ACP2: variants seen among roughly 807,000 people sequenced by gnomAD.
ACP2 encodes the protein acid phosphatase 2, lysosomal.
Under a neutral mutation model 54.7 loss-of-function variants are expected in ACP2, and 35 were observed. That is an observed-to-expected ratio of 0.64 (90% confidence interval 0.49 to 0.85). The LOEUF (loss-of-function observed/expected upper bound fraction) is 0.85, where lower values mean the gene tolerates loss of function less well. Among genes scored for constraint, ACP2 ranks in the 40% least tolerant of loss-of-function variants. The pLI, the probability that ACP2 is intolerant of heterozygous loss-of-function variation, is 0.00. For synonymous variants in ACP2, 210 were observed against 224.4 expected (o/e 0.94, Z 0.57); for missense variants, 492 against 565.0 (o/e 0.87, Z 1.31).
rs763351467 is a variant in ACP2 at position 47,245,666 on chromosome 11, G to A, written c.450+16C>T. ...CTGTCCCCTCACCACCCCAGGGAAGGGCTGGCCACTCTTACCCTGTCCTCA... is the reference window on the plus strand; with the variant it reads ...CTGTCCCCTCACCACCCCAGGGAAGAGCTGGCCACTCTTACCCTGTCCTCA... On this transcript the variant is annotated intron_variant, in intron 4 of 10. Coordinates refer to ENST00000672073, the MANE Select transcript of ACP2 (RefSeq NM_001610.4). 2.5e-6 allele frequency: 4 copies of A among 1,613,310 alleles called. No individual in the cohort carries two copies. The highest frequency in any genetic ancestry group is 3.4e-6 in the Non-Finnish European group (4 of 1,179,338).
intron 5 of ACP2, 39 bp downstream of exon 5, chr11:47,245,435 A>G: frequency 6.2e-7 from 1 of 1,614,214 alleles, no homozygotes; most frequent in Middle Eastern, 1.6e-4. Context: ...GCTCTGGGGA[A>G]AAGACAGCGT....
At position 47,243,029 on chromosome 11, in the gene ACP2, C is replaced by T. The variant is rs1360430277; in HGVS notation, c.951G>A (p.Gln317=). The change falls in exon 9 of 11, where the codon CAG becomes CAA. Residue 317 remains glutamine, a synonymous_variant. Coordinates refer to ENST00000672073, the MANE Select transcript of ACP2 (RefSeq NM_001610.4). ...YASCHIFELY[Q]EDSGNFSVEM... ...CTAGCTCCACTCACCCAGAATCTTC[C>T]TGGTACAGTTCAAATATGTGGCAGG... The T allele has an allele frequency of 6.2e-7, 1 of 1,614,120 alleles. No individual in the cohort carries two copies. The highest frequency in any genetic ancestry group is 2.2e-5 in the East Asian group (1 of 44,902).
rs150567305 is a variant in ACP2 at position 47,240,243 on chromosome 11, A to G, written c.1145T>C (p.Ile382Thr). 6 of 1,494,230 alleles carry G rather than the reference A, an allele frequency of 4.0e-6. No individual in the cohort carries two copies. Among genetic ancestry groups the G allele is most frequent in the Middle Eastern group, 1.7e-4 (1 of 5,884 alleles). The allele number at this position is 1,494,230 out of a possible 1,614,324, so 92.6% of individuals were successfully genotyped here. The stretch of plus-strand genomic sequence containing the variant: ...GGAGCCACATACAGCCAAGGCCACA[A>G]TCACCTCTGGGCATGGGGGAGGCAA... ...LASGPADTEVIVALAVCGSIL... is the reference protein window; with the variant it reads ...LASGPADTEVTVALAVCGSIL... The change falls in exon 11 of 11, where the codon ATT (isoleucine) becomes ACT (threonine). Residue 382 changes from isoleucine to threonine, a missense_variant. Physicochemically the swap from Ile to Thr is moderately conservative, Grantham distance 89. Transcript: ENST00000672073.
chr11:47,240,820 CAAA>C (rs779893887), intron 10 of ACP2, among the ~76,000 whole-genome samples: 3 of 92,646 alleles, frequency 3.2e-5, no homozygotes, highest in Non-Finnish European at 6.6e-5. Flanking sequence ...GACACCGTCT[CAAA>C]AAAAAAAAAA....
At chr11:47,245,602 G>A (rs780290242) in intron 4 of ACP2, 30 bp from the exon 5 acceptor site, 8 of 1,614,098 alleles carry the variant, frequency 5.0e-6, no homozygotes, top group African/African-American at 4.0e-5. Flanking sequence ...AACAGGCAGC[G>A]GGAAAAGGAG....
intron 10 of ACP2, among the ~76,000 whole-genome samples, chr11:47,240,471 C>T (rs1953843743): frequency 6.6e-6 from 1 of 152,220 alleles, no homozygotes; most frequent in Non-Finnish European, 1.5e-5. Flanking sequence ...GGGCAGATCA[C>T]CTGAGGTCAG....
At chr11:47,242,604 G>T in intron 10 of ACP2, 119 bp downstream of exon 10, 1 of 1,243,784 alleles carries the variant, frequency 8.0e-7, no homozygotes. Flanking sequence ...TGGGGTCGGG[G>T]AGGGAACTCC....
chr11:47,244,820 C>T lies in ACP2; in HGVS notation c.687G>A (p.Met229Ile). ...AGTCCTTTAGCCGGCTGAGACGCTG[C>T]ATGGTTTGGGGTGAGGCCCAGGGCG... Reference protein sequence around the residue: ...RLPPWASPQTMQRLSRLKDFS... With the variant: ...RLPPWASPQTIQRLSRLKDFS... The change falls in exon 7 of 11, where the codon ATG becomes ATA. Residue 229 changes from methionine to isoleucine, a missense_variant. Coordinates refer to ENST00000672073, the MANE Select transcript of ACP2 (RefSeq NM_001610.4). 6.2e-7 allele frequency: 1 copy of T among 1,612,816 alleles called. No individual in the cohort carries two copies.
At chr11:47,242,381 G>A (rs771344974) in intron 10 of ACP2, among the ~76,000 whole-genome samples, 3 of 152,172 alleles carry the variant, frequency 2.0e-5, no homozygotes, top group Non-Finnish European at 4.4e-5. Flanking sequence ...GGAGGGAAGT[G>A]ATCCAGTAGA....
rs934234032 is a variant in ACP2 at position 47,239,615 on chromosome 11, T to G, written c.*501A>C. 1.3e-5 allele frequency: 2 copies of G among 155,422 alleles called. No individual in the cohort carries two copies. The highest frequency in any genetic ancestry group is 4.8e-5 in the African/African-American group (2 of 41,502). The allele number at this position is 155,422 out of a possible 1,614,324, so 9.6% of individuals were successfully genotyped here. On this transcript the variant is annotated 3_prime_UTR_variant, in exon 11 of 11. Transcript: ENST00000672073. ...CCAGACACAGGGAAATGTGGCTGGCTGGCTGTTGGGTGATCCAGTTCCTTG... is the reference window on the plus strand; with the variant it reads ...CCAGACACAGGGAAATGTGGCTGGCGGGCTGTTGGGTGATCCAGTTCCTTG...
intron 3 of ACP2, chr11:47,247,264 T>C (rs763107902): frequency 4.4e-5 from 11 of 251,742 alleles, no homozygotes; most frequent in Non-Finnish European, 8.6e-5. Flanking sequence ...CACAACATTC[T>C]AAGCTCCATG....
At position 47,244,733 on chromosome 11, in the gene ACP2, A is replaced by AC; in HGVS notation, c.772+1dup. The stretch of plus-strand genomic sequence containing the variant: ...GAGTGACACGCTGTCCTTGTCACTC[A>AC]CCCCCCTGAAGCCGGGCCTTCTCCG... On this transcript the variant is annotated splice_donor_variant, in intron 7 of 10. Coordinates refer to ENST00000672073, the MANE Select transcript of ACP2 (RefSeq NM_001610.4). LOFTEE classifies it high-confidence loss of function. The AC allele has an allele frequency of 1.9e-6, 3 of 1,601,616 alleles. No individual in the cohort carries two copies. Among genetic ancestry groups the AC allele is most frequent in the Non-Finnish European group, 2.6e-6 (3 of 1,172,132 alleles).
chr11:47,244,863 G>T lies in ACP2; in HGVS notation c.644C>A (p.Thr215Lys), dbSNP rs200356404. 1.9e-4 allele frequency: 308 copies of T among 1,604,516 alleles called. 2 individuals carry two copies. The highest frequency in any genetic ancestry group is 1.9e-5 in the Non-Finnish European group (22 of 1,173,742). ...CCAGGGCGGCAGGCGCAGCCCGTGC[G>T]TTTGCTGTGTATCGCAGCAGGCAGG... ...NVYDTLFCEQTHGLRLPPWAS... is the reference protein window; with the variant it reads ...NVYDTLFCEQKHGLRLPPWAS... The change falls in exon 7 of 11, where the codon ACG (threonine) becomes AAG (lysine). Residue 215 changes from threonine (T) to lysine (K), a missense_variant. Transcript: ENST00000672073.
chr11:47,248,245 C>CTACTGGCTG (rs1170504591), intron 1 of ACP2, 112 bp from the exon 2 acceptor site: 2 of 1,178,456 alleles, frequency 1.7e-6, no homozygotes, highest in Non-Finnish European at 2.4e-6. Flanking sequence ...TCTGGGAAGC[C>CTACTGGCTG]TACTGGCTGC....
chr11:47,244,658 G>A (rs1953986645), intron 7 of ACP2, 77 bp downstream of exon 7: 1 of 1,209,760 alleles, frequency 8.3e-7, no homozygotes, highest in Admixed American at 2.2e-5. Context: ...AGGGAAGTGT[G>A]TGAGAAGCCC....
At position 47,248,121 on chromosome 11, in the gene ACP2, C is replaced by G; in HGVS notation, c.127G>C (p.Gly43Arg). 1 of 1,606,742 alleles carries G rather than the reference C, an allele frequency of 6.2e-7. No homozygotes were observed. The highest frequency in any genetic ancestry group is 8.5e-7 in the Non-Finnish European group (1 of 1,177,730). The change falls in exon 2 of 11, where the codon GGA becomes CGA. Residue 43 changes from glycine (G) to arginine (R), a missense_variant. Transcript: ENST00000672073. Reference protein sequence around the residue: ...LRFVTLLYRHGDRSPVKTYPK... With the variant: ...LRFVTLLYRHRDRSPVKTYPK... ...TATGTCTTCACTGGTGAACGGTCTC[C>G]ATGGCGGTACAGCTGAGAGAATAAA...
intron 7 of ACP2, among the ~76,000 whole-genome samples, chr11:47,244,020 C>T (rs970707846): frequency 3.3e-5 from 5 of 151,542 alleles, no homozygotes; most frequent in African/African-American, 1.2e-4. Context: ...ACTTGTAGTC[C>T]CAGCTACTTA....
intron 10 of ACP2, among the ~76,000 whole-genome samples, chr11:47,241,418 G>A (rs1953875231): frequency 6.6e-6 from 1 of 152,202 alleles, no homozygotes; most frequent in Non-Finnish European, 1.5e-5. Context: ...TCGGGAGGCT[G>A]AGGCAGGAGA....
At chr11:47,242,521 G>A (rs760140008) in intron 10 of ACP2, among the ~76,000 whole-genome samples, 1 of 152,132 alleles carries the variant, frequency 6.6e-6, no homozygotes, top group Non-Finnish European at 1.5e-5. Flanking sequence ...TTCTCTCTTG[G>A]CTCTTATTTT....
Sources: allele counts gnomAD v4.1 joint callset (sites outside exome capture counted in the v4.1 genomes callset), GRCh38; gene constraint gnomAD v4.1.1; transcripts MANE v1.5; gene names NCBI Gene and HGNC (gene_info 2026-07-23, HGNC 2026-07-21).